Variants in AMPH observed in about 807,000 individuals in gnomAD.
AMPH encodes amphiphysin.
Under a neutral mutation model 99.1 loss-of-function variants are expected in AMPH, and 49 were observed. The ratio of observed to expected loss-of-function variants is 0.49; its 90% CI spans 0.39 to 0.63. The LOEUF (loss-of-function observed/expected upper bound fraction) is 0.63. Ranked by LOEUF, AMPH falls within the 20% of genes least tolerant of loss-of-function variation. The pLI, the probability that AMPH is intolerant of heterozygous loss-of-function variation, is 0.00. For synonymous variants in AMPH, 314 were observed against 317.3 expected, an observed-to-expected ratio of 0.99 and a Z score of 0.11; for missense variants, 759 against 863.4, an observed-to-expected ratio of 0.88 and a Z score of 1.52.
At chr7:38,490,915 C>T (rs1052309786) in intron 5 of AMPH, 135 bp downstream of exon 5, 13 of 587,486 alleles carry the variant, frequency 2.2e-5, no homozygotes, top group East Asian at 8.6e-5. Context: ...AAAAATCCCA[C>T]GCTTAAATAA....
At chr7:38,399,909 C>G (rs766083104) in intron 17 of AMPH, among the ~76,000 whole-genome samples, 1 of 152,094 alleles carries the variant, frequency 6.6e-6, no homozygotes, top group Non-Finnish European at 1.5e-5. Context: ...TCTCCTTGAC[C>G]TTGGGCACAT....
intron 2 of AMPH, among the ~76,000 whole-genome samples, chr7:38,518,032 G>A (rs528824740): frequency 6.6e-6 from 1 of 152,104 alleles, no homozygotes; most frequent in Non-Finnish European, 1.5e-5. Context: ...GGACAACCAA[G>A]GGACTCTGCT....
intron 1 of AMPH, among the ~76,000 whole-genome samples, chr7:38,627,004 C>A (rs1401753723): frequency 6.6e-6 from 1 of 152,116 alleles, no homozygotes; most frequent in Non-Finnish European, 1.5e-5. Context: ...CTGTGAATAT[C>A]ATTTATTTTG....
At chr7:38,497,382 T>C (rs1584169559) in intron 3 of AMPH, among the ~76,000 whole-genome samples, 2 of 152,306 alleles carry the variant, frequency 1.3e-5, no homozygotes, top group Admixed American at 6.5e-5. Context: ...CCCAGCATCA[T>C]ATACAGAAGA....
chr7:38,436,218 T>C, intron 12 of AMPH, 54 bp downstream of exon 12: 2 of 1,303,604 alleles, frequency 1.5e-6, no homozygotes, highest in South Asian at 1.2e-5. Flanking sequence ...GTTACCACAC[T>C]GAGCTTACTG....
intron 5 of AMPH, among the ~76,000 whole-genome samples, chr7:38,481,602 A>C (rs1223498067): frequency 6.6e-6 from 1 of 152,138 alleles, no homozygotes; most frequent in East Asian, 1.9e-4. Flanking sequence ...GTGATTTCAG[A>C]TGTCAATGCT....
At chr7:38,468,016 C>T (rs114913978) in intron 7 of AMPH, among the ~76,000 whole-genome samples, 1,994 of 152,094 alleles carry the variant, frequency 0.013, 44 homozygotes, top group African/African-American at 0.045. Context: ...TAATGAATAT[C>T]TATGATTAAG....
At chr7:38,418,377 A>G (rs1352712666) in intron 16 of AMPH, among the ~76,000 whole-genome samples, 1 of 152,174 alleles carries the variant, frequency 6.6e-6, no homozygotes, top group Non-Finnish European at 1.5e-5. Context: ...GGATTCTAGG[A>G]GGACCCACAA....
chr7:38,589,010 GAAT>G (rs1253604380), intron 1 of AMPH, among the ~76,000 whole-genome samples: 2 of 152,022 alleles, frequency 1.3e-5, no homozygotes, highest in African/African-American at 4.8e-5. Flanking sequence ...GAAATTATAA[GAAT>G]AATTATGATT....
chr7:38,402,006 G>C (rs543528792), intron 17 of AMPH, among the ~76,000 whole-genome samples: 1 of 151,916 alleles, frequency 6.6e-6, no homozygotes, highest in African/African-American at 2.4e-5. Context: ...TTTATGTGTT[G>C]GGAGAACTCC....
intron 12 of AMPH, 128 bp from the exon 13 acceptor site, chr7:38,432,340 CT>C (rs912588106): frequency 1.7e-5 from 13 of 746,802 alleles, no homozygotes; most frequent in Middle Eastern, 3.9e-4. Context: ...TTCAATAAAA[CT>C]TTTTTTGGTG....
At chr7:38,558,412 A>G (rs983604882) in intron 1 of AMPH, among the ~76,000 whole-genome samples, 3 of 152,204 alleles carry the variant, frequency 2.0e-5, no homozygotes, top group African/African-American at 2.4e-5. Flanking sequence ...CAGCTCTGCA[A>G]TTAGCGGTCT....
chr7:38,565,117 C>T (rs1244135347), intron 1 of AMPH, among the ~76,000 whole-genome samples: 1 of 95,506 alleles, frequency 1.0e-5, no homozygotes, highest in Admixed American at 1.1e-4. Context: ...GAGCGAGACT[C>T]CGTCTCAAAA....
chr7:38,451,791 G>T (rs1262846498), intron 11 of AMPH, among the ~76,000 whole-genome samples: 2 of 152,022 alleles, frequency 1.3e-5, no homozygotes, highest in Non-Finnish European at 2.9e-5. Context: ...ATAATGTAGG[G>T]ACACAAACAC....
chr7:38,435,064 C>A (rs1786208577), intron 12 of AMPH, among the ~76,000 whole-genome samples: 1 of 152,156 alleles, frequency 6.6e-6, no homozygotes, highest in South Asian at 2.1e-4. Flanking sequence ...ACTTCTCAGC[C>A]TTTAATATTC....
chr7:38,406,735 T>TCCTCTCCTCTC (rs1584048114), intron 17 of AMPH, among the ~76,000 whole-genome samples: 1 of 68,898 alleles, frequency 1.5e-5, no homozygotes, highest in African/African-American at 7.1e-5. Flanking sequence ...CCTTTCCCTC[T>TCCTCTCCTCTC]CTCTCTCTCT....
chr7:38,503,559 G>A (rs1286205082), intron 3 of AMPH, 91 bp downstream of exon 3: 3 of 1,318,546 alleles, frequency 2.3e-6, no homozygotes, highest in Non-Finnish European at 3.2e-6. Flanking sequence ...GAAGCCAAAT[G>A]GCTTTGTAAT....
rs531672658 is a variant in AMPH at position 38,391,728 on chromosome 7, G to T, written c.1878+20C>A. 1.9e-6 allele frequency: 3 copies of T among 1,605,384 alleles called. No individual in the cohort carries two copies. The highest frequency in any genetic ancestry group is 2.2e-5 in the South Asian group (2 of 89,470). ...CTTAAAGCAAAAAAAGGATAAATGA[G>T]ACTTAAAAAATAAGAATACCTTGTA... On this transcript the variant is annotated intron_variant, in intron 19 of 20. Transcript: ENST00000356264.
chr7:38,610,382 GGAAAAGAAAA>G (rs1178717187), intron 1 of AMPH, among the ~76,000 whole-genome samples: 330 of 22,952 alleles, frequency 0.014, 12 homozygotes, highest in African/African-American at 0.055. Context: ...AGAAAGGAAA[GGAAAAGAAAA>G]GAAAAGAAAA....
Sources: gnomAD v4.1 joint callset for allele counts (sites outside exome capture counted in the v4.1 genomes callset) on GRCh38, gnomAD v4.1.1 for gene constraint, MANE v1.5 for transcripts, NCBI Gene and HGNC (gene_info 2026-07-23, HGNC 2026-07-21) for gene names.